The following MRM1 variants were observed in gnomAD, a reference collection of about 807,000 sequenced individuals.
The protein encoded by MRM1 is rRNA methyltransferase 1, mitochondrial.
In MRM1, 24 loss-of-function variants were observed where a neutral mutation model predicts 25.0. That is an observed-to-expected ratio of 0.96 (90% CI 0.69 to 1.35). MRM1 has a LOEUF of 1.35. Ranked by LOEUF, MRM1 falls within the 40% of genes most tolerant of loss-of-function variation. MRM1 has a pLI of 0.00. For synonymous variants in MRM1, 188 were observed against 199.2 expected, an observed-to-expected ratio of 0.94 and a Z score of 0.47; for missense variants, 431 against 464.1, an observed-to-expected ratio of 0.93 and a Z score of 0.65.
chr17:36,606,983 C>T (rs147404634), intron 2 of MRM1, among the ~76,000 whole-genome samples: 252 of 150,114 alleles, frequency 1.7e-3, no homozygotes, highest in Non-Finnish European at 3.1e-3. Context: ...GGCGCAATCT[C>T]GGTTGACTGC....
downstream of MRM1, among the ~76,000 whole-genome samples, chr17:36,610,756 C>G (rs550808875): frequency 3.0e-4 from 45 of 152,074 alleles, no homozygotes; most frequent in African/African-American, 1.1e-3. Context: ...ATTTCAGAAG[C>G]CCAGAGGCAC....
downstream of MRM1, among the ~76,000 whole-genome samples, chr17:36,612,478 C>T (rs759276867): frequency 2.6e-5 from 4 of 152,298 alleles, no homozygotes; most frequent in Middle Eastern, 3.4e-3. Flanking sequence ...GGCGCGGTGC[C>T]TATACACTGA....
intron 2 of MRM1, among the ~76,000 whole-genome samples, chr17:36,604,447 C>G (rs1429228970): frequency 6.6e-6 from 1 of 152,182 alleles, no homozygotes; most frequent in Non-Finnish European, 1.5e-5. Flanking sequence ...TTCCTCAACC[C>G]CCTGACTTCC....
intron 2 of MRM1, among the ~76,000 whole-genome samples, chr17:36,604,128 A>G (rs1168692978): frequency 1.3e-5 from 2 of 152,200 alleles, no homozygotes; most frequent in African/African-American, 4.8e-5. Flanking sequence ...ACACTGCTGT[A>G]GCAATTTTCC....
chr17:36,632,394 G>A, the MRM1 span, among the ~76,000 whole-genome samples: 1 of 151,992 alleles, frequency 6.6e-6, no homozygotes. Context: ...GTGTGGTGGA[G>A]TGGAAAGAGA....
Position 36,602,418 on chromosome 17 carries a change from G to A in MRM1, c.542+66G>A, listed in dbSNP as rs990526022. 6 of 1,557,414 alleles carry A rather than the reference G, an allele frequency of 3.9e-6. No individual in the cohort carries two copies. The highest frequency in any genetic ancestry group is 5.2e-6 in the Non-Finnish European group (6 of 1,148,946). ...ACGCAGCCGAGTTCCTAAGCACCTT[G>A]GCCCTTGGGTGATCCCTTAGCCAGA... On this transcript the variant is annotated intron_variant, in intron 1 of 4. Transcript: ENST00000614766. This position sits in a 1 kb window ranked among gnomAD's most constrained non-coding sequence, Gnocchi z 4.1.
chr17:36,602,267 A>T lies in MRM1; in HGVS notation c.457A>T (p.Ile153Phe). ...GCAGTTGTGGCTCGTCCTCGATGGG[A>T]TCCAGGATCCCCGGAATTTTGGGGC... ...PQQLWLVLDG[I>F]QDPRNFGAVL... The change falls in exon 1 of 5, where the codon ATC becomes TTC. Residue 153 changes from isoleucine (I) to phenylalanine (F), a missense_variant. By Grantham distance (21) the Ile-to-Phe change is conservative. Coordinates refer to ENST00000614766, the MANE Select transcript of MRM1 (RefSeq NM_024864.5). The surrounding 1 kb of genome is among the most constrained non-coding windows in gnomAD (Gnocchi z 4.1). The T allele has an allele frequency of 6.2e-7, 1 of 1,601,248 alleles. No homozygotes were observed. The highest frequency in any genetic ancestry group is 8.5e-7 in the Non-Finnish European group (1 of 1,172,524).
chr17:36,627,673 TG>T, the MRM1 span, among the ~76,000 whole-genome samples: 5 of 126,672 alleles, frequency 3.9e-5, no homozygotes, highest in Non-Finnish European at 4.9e-5. Flanking sequence ...CTTTGGACAC[TG>T]TTTTTTTTTT....
At chr17:36,633,609 G>A in the MRM1 span, among the ~76,000 whole-genome samples, 1 of 151,484 alleles carries the variant, frequency 6.6e-6, no homozygotes, top group Admixed American at 6.6e-5. Context: ...AAGGGGAGGA[G>A]GAAGAGGAGG....
chr17:36,625,605 G>A, the MRM1 span, among the ~76,000 whole-genome samples: 1 of 151,466 alleles, frequency 6.6e-6, no homozygotes, highest in Non-Finnish European at 1.5e-5. Context: ...GGGATTACAA[G>A]TGCCCACGAC....
chr17:36,602,464 C>T lies in MRM1; in HGVS notation c.543-89C>T, dbSNP rs2074886050. The T allele has an allele frequency of 6.3e-7, 1 of 1,594,728 alleles. No homozygotes were observed. The highest frequency in any genetic ancestry group is 1.3e-5 in the African/African-American group (1 of 74,684). On this transcript the variant is annotated intron_variant, in intron 1 of 4. Transcript: ENST00000614766. This position sits in a 1 kb window ranked among gnomAD's most constrained non-coding sequence, Gnocchi z 4.1. ...CCAGACTTACCTGTCCCAGAACTCT[C>T]ATCCCCCTAGCCCTTGGGAGCCCTG...
At chr17:36,616,397 T>G in the MRM1 span, among the ~76,000 whole-genome samples, 4 of 152,176 alleles carry the variant, frequency 2.6e-5, no homozygotes, top group Non-Finnish European at 5.9e-5. Flanking sequence ...GGGAGCTAAT[T>G]GAGGCTGAGG....
In MRM1 at chr17:36,608,539, TG is replaced by T. The variant is rs36120863; in HGVS notation, c.*135del. ...AGGCCCATGTTTATTGACCACAGTC[TG>T]GGGGGGGGGGAAGGGGACTGCGGTG... On this transcript the variant is annotated 3_prime_UTR_variant, in exon 5 of 5. Transcript: ENST00000614766. The T allele has an allele frequency of 0.055, 14,369 of 259,412 alleles. 351 individuals carry two copies. Among genetic ancestry groups the T allele is most frequent in the East Asian group, 0.075 (717 of 9,612 alleles). The allele number at this position is 259,412 out of a possible 1,614,324, so 16.1% of individuals were successfully genotyped here.
chr17:36,601,704 C>A lies in MRM1; in HGVS notation c.-107C>A. The A allele has an allele frequency of 8.3e-7, 1 of 1,211,480 alleles. No homozygotes were observed. Among genetic ancestry groups the A allele is most frequent in the South Asian group, 1.5e-5 (1 of 64,664 alleles). The allele number at this position is 1,211,480 out of a possible 1,614,324, so 75.0% of individuals were successfully genotyped here. A position where few individuals can be genotyped will look rare whatever the true frequency, so the allele number is the denominator to read the frequency against. ...GAGAGAGCTCGGCGGAGACGGCTGT[C>A]GAGTACCCTTCACCTCGGTGTTGGG... On this transcript the variant is annotated 5_prime_UTR_variant, in exon 1 of 5. Coordinates refer to ENST00000614766, the MANE Select transcript of MRM1 (RefSeq NM_024864.5).
At chr17:36,626,693 C>T in the MRM1 span, among the ~76,000 whole-genome samples, 1 of 152,118 alleles carries the variant, frequency 6.6e-6, no homozygotes, top group African/African-American at 2.4e-5. Context: ...GGGAAGCACA[C>T]CTTGATCATG....
At position 36,601,913 on chromosome 17, in the gene MRM1, C is replaced by T. The variant is rs773663489; in HGVS notation, c.103C>T (p.Leu35=). 2.5e-6 allele frequency: 4 copies of T among 1,612,392 alleles called. No homozygotes were observed. Among genetic ancestry groups the T allele is most frequent in the Non-Finnish European group, 3.4e-6 (4 of 1,179,872 alleles). ...TGGGGAGCGGCCTGGTGGGGAGGAG[C>T]TAAGCCGCTTGCTGCTGGATGACCT... ...RHGERPGGEE[L]SRLLLDDLVP... The change falls in exon 1 of 5, where the codon CTA becomes TTA. Residue 35 remains leucine, a synonymous_variant. Coordinates refer to ENST00000614766, the MANE Select transcript of MRM1 (RefSeq NM_024864.5).
chr17:36,604,380 A>G (rs941497786), intron 2 of MRM1, among the ~76,000 whole-genome samples: 4 of 152,156 alleles, frequency 2.6e-5, no homozygotes, highest in African/African-American at 9.7e-5. Flanking sequence ...TTGAAACACT[A>G]TACCTGCTTT....
chr17:36,627,086 G>T, the MRM1 span, among the ~76,000 whole-genome samples: 153 of 152,308 alleles, frequency 1.0e-3, no homozygotes, highest in Admixed American at 1.9e-3. Context: ...GATGATGCCC[G>T]CAGAGACCCC....
chr17:36,602,675 G>T lies in MRM1; in HGVS notation c.636+29G>T. On this transcript the variant is annotated intron_variant, in intron 2 of 4. Transcript: ENST00000614766. This position sits in a 1 kb window ranked among gnomAD's most constrained non-coding sequence, Gnocchi z 4.1. ...ATGAGGGGCAAGAGGGGAAGGAACAGATGTGAGCCCAGCTCAGCCTCTTCA... is the reference window on the plus strand; with the variant it reads ...ATGAGGGGCAAGAGGGGAAGGAACATATGTGAGCCCAGCTCAGCCTCTTCA... The T allele has an allele frequency of 6.2e-7, 1 of 1,611,858 alleles. No individual in the cohort carries two copies. The highest frequency in any genetic ancestry group is 1.7e-4 in the Middle Eastern group (1 of 6,058).
Sources: allele counts gnomAD v4.1 joint callset (sites outside exome capture counted in the v4.1 genomes callset), GRCh38; gene constraint gnomAD v4.1.1; non-coding constraint Gnocchi (gnomAD v3.1); transcripts MANE v1.5; gene names NCBI Gene and HGNC (gene_info 2026-07-23, HGNC 2026-07-21).